The following PLPPR3 variants were observed in gnomAD, a reference collection of about 807,000 sequenced individuals.
The protein encoded by PLPPR3 is phospholipid phosphatase related 3, also known as phospholipid phosphatase-related protein type 3.
PLPPR3 carries 14 observed loss-of-function variants against 27.3 expected under a neutral mutation model. The observed-to-expected ratio is 0.51, with a 90% CI of 0.34 to 0.80. The LOEUF (loss-of-function observed/expected upper bound fraction) is 0.80, where lower values mean the gene tolerates loss of function less well. Ranked by LOEUF, PLPPR3 falls within the 30% of genes least tolerant of loss-of-function variation. The probability of loss-of-function intolerance (pLI) is 0.01; values close to 1 mark genes in which losing one functional copy is unlikely to be tolerated. For missense variants in PLPPR3, 1,287 were observed against 1,056.9 expected (o/e 1.22, Z -3.02); for synonymous variants, 671 against 508.0 (o/e 1.32, Z -4.32).
chr19:814,865 G>A (rs1163762771), intron 5 of PLPPR3, 21 bp downstream of exon 5: 12 of 1,603,198 alleles, frequency 7.5e-6, no homozygotes, highest in Non-Finnish European at 1.0e-5. Flanking sequence ...CCCAGTCAGG[G>A]GAGTTGGGGG....
Position 813,662 on chromosome 19 carries a change from G to A in PLPPR3, c.1065C>T (p.Asp355=), listed in dbSNP as rs1238197437. 8 of 1,535,604 alleles carry A rather than the reference G, an allele frequency of 5.2e-6. No individual in the cohort carries two copies. The highest frequency in any genetic ancestry group is 6.1e-6 in the Non-Finnish European group (7 of 1,144,906). ...GGCTGCGCGGGGCCAGCAGGTCCAC[G>A]TCCACGCTGGCGCGCTTCAGGCTGC... ...SLGSLKRASV[D]VDLLAPRSPM... Residue 355 remains aspartate (D), a synonymous_variant, in exon 8 of 8, where the codon GAC becomes GAT. Coordinates refer to ENST00000520876, the MANE Select transcript of PLPPR3 (RefSeq NM_001270366.2). The surrounding 1 kb of genome is among the most constrained non-coding windows in gnomAD (Gnocchi z 4.1).
upstream of PLPPR3, among the ~76,000 whole-genome samples, chr19:823,797 C>A (rs1320485275): frequency 1.3e-5 from 2 of 152,206 alleles, no homozygotes; most frequent in Non-Finnish European, 2.9e-5. Flanking sequence ...AGAAGGGGGA[C>A]GTTGCCTGCT....
chr19:819,259 G>A lies in PLPPR3; in HGVS notation c.75+2226C>T, dbSNP rs1294678611. ...CCCAAAGTGCTGGGATGACAGGCGT[G>A]AGCCACTGCACCCAGCCTACTTTTT... On this transcript the variant is annotated intron_variant, in intron 2 of 7. Transcript: ENST00000520876. Among the ~76,000 whole-genome samples, 2 of 102,864 alleles carry A rather than the reference G, an allele frequency of 1.9e-5. 1 individual carries two copies. The highest frequency in any genetic ancestry group is 3.7e-5 in the Non-Finnish European group (2 of 54,094). The allele number at this position is 102,864 out of a possible 152,430, so 67.5% of individuals were successfully genotyped here.
At chr19:818,565 G>A (rs1423248286) in intron 2 of PLPPR3, among the ~76,000 whole-genome samples, 1 of 151,470 alleles carries the variant, frequency 6.6e-6, no homozygotes, top group Non-Finnish European at 1.5e-5. Context: ...TTGGAGTCTC[G>A]CTCTGTCGCC....
intron 1 of PLPPR3, 98 bp from the exon 2 acceptor site, chr19:821,683 T>A: frequency 1.7e-6 from 1 of 595,452 alleles, no homozygotes; most frequent in Non-Finnish European, 2.6e-6. Flanking sequence ...TCGGGGAAAC[T>A]GAGGCTGCAG....
At chr19:822,844 T>G (rs1025437792), upstream of PLPPR3, among the ~76,000 whole-genome samples, 2 of 152,126 alleles carry the variant, frequency 1.3e-5, no homozygotes, top group African/African-American at 4.8e-5. Flanking sequence ...TTTTGGGCCG[T>G]GCGCGGTGGC....
Position 813,519 on chromosome 19 carries a change from C to T in PLPPR3, c.1208G>A (p.Arg403His), listed in dbSNP as rs745307419. The change falls in exon 8 of 8, where the codon CGC becomes CAC. Residue 403 changes from arginine to histidine, a missense_variant. Arg to His is a conservative substitution (Grantham distance 29). Transcript: ENST00000520876. The surrounding 1 kb of genome is among the most constrained non-coding windows in gnomAD (Gnocchi z 4.1). Reference protein sequence around the residue: ...MTIHVPLDASRSKQLISEWKQ... With the variant: ...MTIHVPLDASHSKQLISEWKQ... ...CCACTCGCTGATGAGCTGCTTGGAG[C>T]GCGAGGCGTCCAGCGGCACGTGGAT... The T allele has an allele frequency of 6.4e-6, 10 of 1,558,372 alleles. No homozygotes were observed. The highest frequency in any genetic ancestry group is 1.7e-4 in the Middle Eastern group (1 of 5,832).
intron 2 of PLPPR3, among the ~76,000 whole-genome samples, chr19:818,251 T>C (rs2035092040): frequency 6.6e-6 from 1 of 151,898 alleles, no homozygotes; most frequent in African/African-American, 2.4e-5. Context: ...AGCGTGGTGG[T>C]GCGTGCCTGT....
At position 812,906 on chromosome 19, in the gene PLPPR3, C is replaced by A; in HGVS notation, c.1821G>T (p.Ala607=). ...CGGCCTCCGCCTTGGCCCCGCCGCC[C>A]GCCGCCTTCCACTCCCAGGGCGCGC... ...AGGAPWEWKA[A]GGGAKAEADG... is the part of the protein sequence containing the mutation. The change falls in exon 8 of 8, where the codon GCG becomes GCT. Residue 607 remains alanine (A), a synonymous_variant. Transcript: ENST00000520876. 7.7e-7 allele frequency: 1 copy of A among 1,294,450 alleles called. No individual in the cohort carries two copies. Among genetic ancestry groups the A allele is most frequent in the Non-Finnish European group, 9.8e-7 (1 of 1,016,536 alleles). The allele number at this position is 1,294,450 out of a possible 1,614,324, so 80.2% of individuals were successfully genotyped here.
rs1484469865 is a variant in PLPPR3, at chr19:812,649, A to G, written c.2078T>C (p.Leu693Pro). The change falls in exon 8 of 8, where the codon CTG becomes CCG. Residue 693 changes from leucine (L) to proline (P), a missense_variant. Transcript: ENST00000520876. ...CTCCGCCTCGCGCTCCGCCAGCCCC[A>G]GGCCGCCCGCGTGGCGCCGCAGCGT... ...ESTLRRHAGG[L>P]GLAEREAEAE... The G allele has an allele frequency of 3.7e-6, 4 of 1,068,728 alleles. No homozygotes were observed. Among genetic ancestry groups the G allele is most frequent in the Non-Finnish European group, 2.3e-6 (2 of 883,936 alleles). The allele number at this position is 1,068,728 out of a possible 1,614,324, so 66.2% of individuals were successfully genotyped here.
At chr19:823,446 A>AAAAAAAAAC (rs752822750), upstream of PLPPR3, among the ~76,000 whole-genome samples, 9,567 of 84,112 alleles carry the variant, frequency 0.11, 481 homozygotes, top group South Asian at 0.22. Context: ...TATCTCAAAA[A>AAAAAAAAAC]AAAAAAAAAA....
Position 814,719 on chromosome 19 carries a change from C to T in PLPPR3, c.630G>A (p.Leu210=). ...ACACATAGACCGCGGCGAAGGCTGA[C>T]AGCGTGGCGTGCTGGGACGGGAAGG... ...RKTFPSQHAT[L]SAFAAVYVSM... is the part of the protein sequence containing the mutation. Residue 210 remains leucine (L), a synonymous_variant, in exon 6 of 8, where the codon CTG becomes CTA. Transcript: ENST00000520876. 4 of 1,587,952 alleles carry T rather than the reference C, an allele frequency of 2.5e-6. No homozygotes were observed. Among genetic ancestry groups the T allele is most frequent in the Non-Finnish European group, 2.6e-6 (3 of 1,170,090 alleles).
In PLPPR3 at chr19:812,501, C is replaced by A. The variant is rs918793340; in HGVS notation, c.*69G>T. The stretch of plus-strand genomic sequence containing the variant: ...AAGAGCCGGACCTCGGTTTCTGCCG[C>A]TTTATTGAGCATCCGCGCGGCCGCC... On this transcript the variant is annotated 3_prime_UTR_variant, in exon 8 of 8. Transcript: ENST00000520876. The A allele has an allele frequency of 1.0e-6, 1 of 982,942 alleles. No homozygotes were observed. The highest frequency in any genetic ancestry group is 1.1e-4 in the East Asian group (1 of 9,088). 60.9% of individuals were successfully genotyped at this position (982,942 alleles called of 1,614,324 possible). A position where few individuals can be genotyped will look rare whatever the true frequency, so the allele number is the denominator to read the frequency against.
chr19:814,045 A>T, intron 7 of PLPPR3, 150 bp from the exon 8 acceptor site: 2 of 748,508 alleles, frequency 2.7e-6, no homozygotes, highest in South Asian at 4.1e-5. Context: ...AAGGTTGCTG[A>T]CCCAGCACAT....
In PLPPR3 at chr19:819,330, G is replaced by A. The variant is rs1316448321; in HGVS notation, c.75+2155C>T. On this transcript the variant is annotated intron_variant, in intron 2 of 7. Coordinates refer to ENST00000520876, the MANE Select transcript of PLPPR3 (RefSeq NM_001270366.2). Reference sequence around the variant, plus strand: ...GAGTCTCACTCTGTTGCCCAGGCTGGAGTGCAGTGGCGCGATCTCGGCTAA... The same window carrying A: ...GAGTCTCACTCTGTTGCCCAGGCTGAAGTGCAGTGGCGCGATCTCGGCTAA... 5.0e-5 allele frequency among the ~76,000 whole-genome samples: 7 copies of A among 140,104 alleles called. No individual in the cohort carries two copies. In the East Asian group the frequency reaches 1.0e-3, roughly 21 times the overall value. The allele number at this position is 140,104 out of a possible 152,430, so 91.9% of individuals were successfully genotyped here. A position where few individuals can be genotyped will look rare whatever the true frequency, so the allele number is the denominator to read the frequency against.
chr19:812,541 G>GGGGCCCCC lies in PLPPR3; in HGVS notation c.*28_*29insGGGGGCCC. ...GCGCGGCCGCCCGCGCCCTCGGCCC[G>GGGGCCCCC]CCCCCCGCCCGCCCCCGGCCCCGCC... On this transcript the variant is annotated 3_prime_UTR_variant, in exon 8 of 8. Coordinates refer to ENST00000520876, the MANE Select transcript of PLPPR3 (RefSeq NM_001270366.2). 4.9e-6 allele frequency: 3 copies of GGGGCCCCC among 617,394 alleles called. No individual in the cohort carries two copies. Among genetic ancestry groups the GGGGCCCCC allele is most frequent in the Non-Finnish European group, 6.0e-6 (3 of 496,528 alleles). The allele number at this position is 617,394 out of a possible 1,614,324, so 38.2% of individuals were successfully genotyped here. A position where few individuals can be genotyped will look rare whatever the true frequency, so the allele number is the denominator to read the frequency against.
rs1302494565 is a variant in PLPPR3 at position 813,437 on chromosome 19, C to A, written c.1290G>T (p.Gly430=). 2 of 1,519,314 alleles carry A rather than the reference C, an allele frequency of 1.3e-6. No homozygotes were observed. The highest frequency in any genetic ancestry group is 4.2e-5 in the Admixed American group (2 of 47,300). The allele number at this position is 1,519,314 out of a possible 1,614,324, so 94.1% of individuals were successfully genotyped here. Residue 430 remains glycine, a synonymous_variant, in exon 8 of 8, where the codon GGG becomes GGT. Coordinates refer to ENST00000520876, the MANE Select transcript of PLPPR3 (RefSeq NM_001270366.2). This position sits in a 1 kb window ranked among gnomAD's most constrained non-coding sequence, Gnocchi z 4.1. ...TGGGTTCGGCGGGCGCGCGCAGGTG[C>A]CCGGGGCTGGCGTCGTCGGGCAGCC... ...GLGLPDDASP[G]HLRAPAEPMA... is the part of the protein sequence containing the mutation.
In PLPPR3 at chr19:813,255, G is replaced by T; in HGVS notation, c.1472C>A (p.Pro491Gln). ...CTCCTCCGGGATGTGCACCAGCGGC[G>T]GCGGCCCCGCGCGCGGTGGGAGGAT... ...RVILPPRAGP[P>Q]PLVHIPEEGA... The change falls in exon 8 of 8, where the codon CCG becomes CAG. Residue 491 changes from proline to glutamine, a missense_variant. Transcript: ENST00000520876. The surrounding 1 kb of genome is among the most constrained non-coding windows in gnomAD (Gnocchi z 4.1). 6.8e-7 allele frequency: 1 copy of T among 1,474,266 alleles called. No individual in the cohort carries two copies. The highest frequency in any genetic ancestry group is 2.8e-5 in the East Asian group (1 of 35,456). 91.3% of individuals were successfully genotyped at this position (1,474,266 alleles called of 1,614,324 possible). A position where few individuals can be genotyped will look rare whatever the true frequency, so the allele number is the denominator to read the frequency against.
At chr19:814,169 A>ACCCGTGCCTCCCCCCTAGAGC (rs2035007599) in intron 7 of PLPPR3, among the ~76,000 whole-genome samples, 1 of 146,728 alleles carries the variant, frequency 6.8e-6, no homozygotes, top group African/African-American at 2.6e-5. Flanking sequence ...CCCCTCAGAC[A>ACCCGTGCCTCCCCCCTAGAGC]CCCTGGGCAC....
Sources: allele counts gnomAD v4.1 joint callset (sites outside exome capture counted in the v4.1 genomes callset), GRCh38; gene constraint gnomAD v4.1.1; non-coding constraint Gnocchi (gnomAD v3.1); transcripts MANE v1.5; gene names NCBI Gene and HGNC (gene_info 2026-07-23, HGNC 2026-07-21).